The following PXDN variants were observed in gnomAD, a reference collection of about 807,000 sequenced individuals.
The protein encoded by PXDN is peroxidasin.
A neutral mutation model predicts 140.3 loss-of-function variants in PXDN; 77 were observed. The ratio of observed to expected loss-of-function variants is 0.55; its 90% CI spans 0.46 to 0.66. The LOEUF (loss-of-function observed/expected upper bound fraction) is 0.66, where lower values mean the gene tolerates loss of function less well. Ranked by LOEUF, PXDN falls within the 30% of genes least tolerant of loss-of-function variation. The pLI is 0.00. For missense variants in PXDN, 1,838 were observed against 2,039.5 expected, an observed-to-expected ratio of 0.90 and a Z score of 1.90; for synonymous variants, 911 against 857.4, an observed-to-expected ratio of 1.06 and a Z score of -1.09.
chr2:1,706,476 C>T (rs1684611322), intron 1 of PXDN, among the ~76,000 whole-genome samples: 1 of 152,118 alleles, frequency 6.6e-6, no homozygotes, highest in Non-Finnish European at 1.5e-5. Context: ...CCAATCAGCT[C>T]TAAGCATCAC....
At chr2:1,688,395 G>T (rs965513946) in intron 3 of PXDN, among the ~76,000 whole-genome samples, 1 of 152,252 alleles carries the variant, frequency 6.6e-6, no homozygotes, top group African/African-American at 2.4e-5. Flanking sequence ...GAGCTGAGTG[G>T]TCCCAGTAGA....
At chr2:1,709,360 G>C (rs11696014) in intron 1 of PXDN, among the ~76,000 whole-genome samples, 1 of 151,972 alleles carries the variant, frequency 6.6e-6, no homozygotes, top group Non-Finnish European at 1.5e-5. Flanking sequence ...TTGATCTGAC[G>C]AGGGCAGGGT....
chr2:1,696,310 A>G (rs1419509334), intron 1 of PXDN, among the ~76,000 whole-genome samples: 1 of 152,202 alleles, frequency 6.6e-6, no homozygotes, highest in Non-Finnish European at 1.5e-5. Context: ...TAAGGGGATC[A>G]TTTCACAAGC....
chr2:1,720,718 TCTCTCTCACACACA>T (rs1451576344), intron 1 of PXDN, among the ~76,000 whole-genome samples: 10 of 140,188 alleles, frequency 7.1e-5, no homozygotes, highest in Non-Finnish European at 1.0e-4. Flanking sequence ...TCTCTCTCTC[TCTCTCTCACACACA>T]CACACACACA....
intron 1 of PXDN, among the ~76,000 whole-genome samples, chr2:1,720,669 T>C (rs1157545334): frequency 3.0e-5 from 1 of 33,642 alleles, no homozygotes; most frequent in Non-Finnish European, 6.2e-5. Flanking sequence ...CTGCATCTCT[T>C]TCTCTCTGCA....
intron 19 of PXDN, among the ~76,000 whole-genome samples, chr2:1,640,969 C>G (rs115729986): frequency 6.6e-6 from 1 of 152,274 alleles, no homozygotes; most frequent in African/African-American, 2.4e-5. Context: ...CCCCAGGGCA[C>G]GGCTGGGCCA....
chr2:1,701,625 G>A (rs1684432822), intron 1 of PXDN, among the ~76,000 whole-genome samples: 1 of 152,070 alleles, frequency 6.6e-6, no homozygotes, highest in African/African-American at 2.4e-5. Context: ...GGTGGGGGAC[G>A]CAGGATGGGG....
chr2:1,633,942 GAATT>G lies in PXDN; in HGVS notation c.*258_*261del, dbSNP rs1446678607. The G allele has an allele frequency of 2.7e-6, 1 of 369,670 alleles. No individual in the cohort carries two copies. The highest frequency in any genetic ancestry group is 4.2e-5 in the Admixed American group (1 of 23,772). The allele number at this position is 369,670 out of a possible 1,614,324, so 22.9% of individuals were successfully genotyped here. The stretch of plus-strand genomic sequence containing the variant: ...GTAGCACCAATTTTTCATTTTAAAA[GAATT>G]AAATAAAAACCTGAGAAGTCTAACG... On this transcript the variant is annotated 3_prime_UTR_variant, in exon 23 of 23. Coordinates refer to ENST00000252804, the MANE Select transcript of PXDN (RefSeq NM_012293.3).
intron 19 of PXDN, among the ~76,000 whole-genome samples, chr2:1,640,129 G>A (rs957047243): frequency 3.4e-5 from 5 of 148,830 alleles, no homozygotes; most frequent in Admixed American, 6.7e-5. Context: ...CCTGGTCCCC[G>A]GGTGAGTGAG....
intron 22 of PXDN, 93 bp from the exon 23 acceptor site, chr2:1,634,416 C>T: frequency 2.1e-6 from 3 of 1,460,244 alleles, no homozygotes; most frequent in Non-Finnish European, 2.8e-6. Context: ...TCAGCCACGG[C>T]CATGAGTCAG....
chr2:1,696,352 C>G (rs1281725810), intron 1 of PXDN, among the ~76,000 whole-genome samples: 4 of 152,086 alleles, frequency 2.6e-5, no homozygotes, highest in Admixed American at 1.3e-4. Flanking sequence ...CCACCATGCT[C>G]TAAGGCAGAG....
At chr2:1,739,839 T>C (rs981316480) in intron 1 of PXDN, among the ~76,000 whole-genome samples, 6 of 152,198 alleles carry the variant, frequency 3.9e-5, no homozygotes, top group African/African-American at 1.4e-4. Flanking sequence ...TATCAACATC[T>C]AAATGTTTTA....
chr2:1,644,750 A>G lies in PXDN; in HGVS notation c.3611T>C (p.Leu1204Ser). 6.6e-7 allele frequency: 1 copy of G among 1,516,768 alleles called. No homozygotes were observed. The highest frequency in any genetic ancestry group is 1.3e-5 in the South Asian group (1 of 76,496). 94.0% of individuals were successfully genotyped at this position (1,516,768 alleles called of 1,614,324 possible). ...GTCGATGTTGAGTGTCGAGCCATAC[A>G]ACCTAAAAAATAAAGAGAAAACTGA... The part of the protein sequence containing the change: ...NPEIREKLKR[L>S]YGSTLNIDLF... The change falls in exon 18 of 23, where the codon TTG (leucine) becomes TCG (serine). Residue 1204 changes from leucine (L) to serine (S), a missense_variant and splice_region_variant. Physicochemically the swap from Leu to Ser is moderately radical, Grantham distance 145 (BLOSUM62 -2). Around this residue, in one of 5 missense-constraint regions of PXDN, gnomAD observed 850 missense variants for 894.1 expected, o/e 0.95. Transcript: ENST00000252804.
intron 3 of PXDN, among the ~76,000 whole-genome samples, chr2:1,690,234 T>C (rs1020929404): frequency 6.6e-6 from 1 of 152,084 alleles, no homozygotes; most frequent in Non-Finnish European, 1.5e-5. Context: ...CGTTTCTGAG[T>C]CATGACCCAC....
intron 12 of PXDN, among the ~76,000 whole-genome samples, chr2:1,662,791 C>T (rs1683336703): frequency 6.6e-6 from 1 of 152,176 alleles, no homozygotes; most frequent in South Asian, 2.1e-4. Context: ...CTACTGACAA[C>T]AGGCAGAGGG....
At chr2:1,715,139 G>C (rs180746148) in intron 1 of PXDN, among the ~76,000 whole-genome samples, 72 of 152,250 alleles carry the variant, frequency 4.7e-4, no homozygotes, top group Middle Eastern at 6.8e-3. Context: ...CTTCCAGTCA[G>C]AAAAACTTGG....
At chr2:1,689,483 T>A (rs1355611699) in intron 3 of PXDN, among the ~76,000 whole-genome samples, 1 of 152,132 alleles carries the variant, frequency 6.6e-6, no homozygotes, top group Non-Finnish European at 1.5e-5. Context: ...TTTGTTTTCA[T>A]GAGAATAGGT....
chr2:1,696,554 G>T (rs1167578473), intron 1 of PXDN, among the ~76,000 whole-genome samples: 1 of 152,050 alleles, frequency 6.6e-6, no homozygotes, highest in Non-Finnish European at 1.5e-5. Context: ...AGAGGGGAGA[G>T]GACTTGGGAG....
At position 1,701,174 on chromosome 2, in the gene PXDN, C is replaced by T. The variant is rs1343973937; in HGVS notation, c.201-8040G>A. Among the ~76,000 whole-genome samples the T allele has an allele frequency of 2.0e-5, 3 of 152,284 alleles. No homozygotes were observed. In the East Asian group the frequency reaches 5.8e-4, roughly 30 times the overall value. On this transcript the variant is annotated intron_variant, in intron 1 of 22. Transcript: ENST00000252804. The stretch of plus-strand genomic sequence containing the variant: ...TTAACATTTGCCTGACCTAAAATCG[C>T]TTCAGTGCTTCCTACTAAGGACTGC...
Sources: gnomAD v4.1 joint callset for allele counts (sites outside exome capture counted in the v4.1 genomes callset) on GRCh38, gnomAD v4.1.1 for gene constraint, gnomAD v4.1.1 regional missense constraint, MANE v1.5 for transcripts, NCBI Gene and HGNC (gene_info 2026-07-23, HGNC 2026-07-21) for gene names.